KAT2B: variants seen among roughly 807,000 people sequenced by gnomAD.
KAT2B encodes the protein histone acetyltransferase KAT2B.
A neutral mutation model predicts 105.9 loss-of-function variants in KAT2B; 36 were observed. That is an observed-to-expected ratio of 0.34 (90% CI 0.26 to 0.45). KAT2B has a LOEUF of 0.45. Ranked by LOEUF, KAT2B falls within the 20% of genes least tolerant of loss-of-function variation. KAT2B has a pLI of 1.00. For missense variants in KAT2B, 820 were observed against 1,021.6 expected (o/e 0.80, Z 2.69); for synonymous variants, 397 against 377.9 (o/e 1.05, Z -0.59).
rs951388674 is a variant in KAT2B, at chr3:20,066,912, A to T, written c.304-5421A>T. On this transcript the variant is annotated intron_variant, in intron 1 of 17. Coordinates refer to ENST00000263754, the MANE Select transcript of KAT2B (RefSeq NM_003884.5). ...ACGAAGTCTTTGAAATTCAGGGTGT[A>T]TTTTCAAACACTCATAACACATCTC... is the stretch of plus-strand genomic sequence containing the variant. 2.6e-5 allele frequency among the ~76,000 whole-genome samples: 4 copies of T among 152,094 alleles called. No homozygotes were observed. The South Asian group carries it at 8.3e-4, about 32-fold the overall frequency.
intron 3 of KAT2B, among the ~76,000 whole-genome samples, chr3:20,098,115 A>G (rs1698843408): frequency 6.6e-6 from 1 of 151,918 alleles, no homozygotes; most frequent in Non-Finnish European, 1.5e-5. Flanking sequence ...TGTAAATTCC[A>G]GCTACTTGAG....
intron 2 of KAT2B, among the ~76,000 whole-genome samples, chr3:20,094,885 G>A (rs1426629382): frequency 6.6e-6 from 1 of 152,188 alleles, no homozygotes; most frequent in African/African-American, 2.4e-5. Flanking sequence ...CTGCATTCAT[G>A]ACTAGGACCA....
chr3:20,114,817 T>G, intron 6 of KAT2B, 65 bp from the exon 7 acceptor site: 1 of 833,186 alleles, frequency 1.2e-6, no homozygotes, highest in Admixed American at 2.1e-5. Flanking sequence ...TTGTCACAGA[T>G]AATTAGGGCT....
At chr3:20,052,949 C>T (rs1440418039) in intron 1 of KAT2B, among the ~76,000 whole-genome samples, 3 of 152,208 alleles carry the variant, frequency 2.0e-5, no homozygotes, top group African/African-American at 7.2e-5. Context: ...GCACTCCAGC[C>T]TGGGCGACAA....
chr3:20,054,971 G>C (rs367606955), intron 1 of KAT2B, among the ~76,000 whole-genome samples: 3 of 152,138 alleles, frequency 2.0e-5, no homozygotes, highest in Non-Finnish European at 4.4e-5. Flanking sequence ...CAGATATTAA[G>C]TGAAAGAAAA....
At chr3:20,050,595 G>T (rs1439432271) in intron 1 of KAT2B, among the ~76,000 whole-genome samples, 2 of 152,082 alleles carry the variant, frequency 1.3e-5, no homozygotes, top group Admixed American at 6.6e-5. Context: ...CTATATTATT[G>T]CATATAGCAG....
intron 2 of KAT2B, among the ~76,000 whole-genome samples, chr3:20,082,793 A>G (rs972810785): frequency 6.6e-6 from 1 of 152,212 alleles, no homozygotes; most frequent in Non-Finnish European, 1.5e-5. Context: ...CTCCCCACCA[A>G]ATACGTAAGC....
intron 1 of KAT2B, among the ~76,000 whole-genome samples, chr3:20,053,965 T>G (rs1697960054): frequency 6.6e-6 from 1 of 152,050 alleles, no homozygotes; most frequent in Non-Finnish European, 1.5e-5. Flanking sequence ...ACCGAGCTAA[T>G]TTTTGTATTT....
chr3:20,107,296 G>T (rs1200694010), intron 5 of KAT2B, among the ~76,000 whole-genome samples: 1 of 149,556 alleles, frequency 6.7e-6, no homozygotes, highest in African/African-American at 2.5e-5. Context: ...CTCCCAAAGT[G>T]CTGGGATTAT....
chr3:20,116,359 G>A (rs1451240613), intron 7 of KAT2B, among the ~76,000 whole-genome samples: 3 of 152,120 alleles, frequency 2.0e-5, no homozygotes, highest in African/African-American at 7.2e-5. Context: ...AGCAAGGACT[G>A]GATCTCTTTT....
chr3:20,068,392 C>T (rs935540937), intron 1 of KAT2B, among the ~76,000 whole-genome samples: 1 of 150,420 alleles, frequency 6.6e-6, no homozygotes, highest in Admixed American at 6.7e-5. Context: ...CTTGCCTTTG[C>T]GCTAGCTGTG....
rs1699559919 is a variant in KAT2B at position 20,134,136 on chromosome 3, T to A, written c.1750-2806T>A. Among the ~76,000 whole-genome samples the A allele has an allele frequency of 1.3e-5, 2 of 152,218 alleles. 1 individual carries two copies. Among genetic ancestry groups the A allele is most frequent in the South Asian group, 4.1e-4 (2 of 4,838 alleles). ...TTCTACTTAATAATCAGTCTTTTAC[T>A]TCATGCTTTTGCATTTTATTTTTTC... On this transcript the variant is annotated intron_variant, in intron 11 of 17. Transcript: ENST00000263754.
chr3:20,096,086 C>T (rs1321235177), intron 3 of KAT2B, among the ~76,000 whole-genome samples: 11 of 151,930 alleles, frequency 7.2e-5, no homozygotes, highest in Admixed American at 5.9e-4. Flanking sequence ...AGGAGGGCAG[C>T]GTGGTGGAGC....
At chr3:20,084,809 T>G (rs1698584992) in intron 2 of KAT2B, among the ~76,000 whole-genome samples, 1 of 152,180 alleles carries the variant, frequency 6.6e-6, no homozygotes, top group African/African-American at 2.4e-5. Flanking sequence ...ATAGAAGCTT[T>G]CACCTCTATT....
intron 1 of KAT2B, among the ~76,000 whole-genome samples, chr3:20,050,727 G>A (rs372218405): frequency 6.7e-6 from 1 of 149,052 alleles, no homozygotes; most frequent in South Asian, 2.1e-4. Flanking sequence ...TTTTTGAGAC[G>A]GAGTCTCGCT....
chr3:20,098,461 A>T (rs1382737505), intron 3 of KAT2B, among the ~76,000 whole-genome samples: 1 of 152,208 alleles, frequency 6.6e-6, no homozygotes, highest in East Asian at 1.9e-4. Context: ...GAGATAATAT[A>T]TGTGAAGAAC....
intron 16 of KAT2B, 22 bp downstream of exon 16, chr3:20,148,328 C>G: frequency 6.2e-7 from 1 of 1,611,418 alleles, no homozygotes; most frequent in East Asian, 2.2e-5. Context: ...CTTTATTCAC[C>G]TCATGCAAAT....
intron 2 of KAT2B, 27 bp downstream of exon 2, chr3:20,072,486 T>A: frequency 6.2e-7 from 1 of 1,607,938 alleles, no homozygotes. Context: ...TCAAGGAAAG[T>A]ATAACGAGTT....
intron 11 of KAT2B, among the ~76,000 whole-genome samples, chr3:20,131,825 A>G (rs1316543722): frequency 6.6e-6 from 1 of 152,192 alleles, no homozygotes; most frequent in African/African-American, 2.4e-5. Context: ...TGGCCCCCCA[A>G]AGTGCTGAGA....
Sources: gnomAD v4.1 joint callset for allele counts (sites outside exome capture counted in the v4.1 genomes callset) on GRCh38, gnomAD v4.1.1 for gene constraint, MANE v1.5 for transcripts, NCBI Gene and HGNC (gene_info 2026-07-23, HGNC 2026-07-21) for gene names.